Variants in SLC5A7 observed in about 807,000 individuals in gnomAD.
The protein encoded by SLC5A7 is high affinity choline transporter 1.
Under a neutral mutation model 55.4 loss-of-function variants are expected in SLC5A7, and 19 were observed. That is an observed-to-expected ratio of 0.34 (90% CI 0.24 to 0.50). The LOEUF is 0.50. SLC5A7 is among the 20% of genes least tolerant of loss of function. The pLI, the probability that SLC5A7 is intolerant of heterozygous loss-of-function variation, is 0.98. For missense variants in SLC5A7, 506 were observed against 705.3 expected (o/e 0.72, Z 3.20); for synonymous variants, 265 against 263.7 (o/e 1.00, Z -0.05).
At chr2:107,996,580 A>G (rs989270303) in intron 4 of SLC5A7, among the ~76,000 whole-genome samples, 1 of 152,314 alleles carries the variant, frequency 6.6e-6, no homozygotes, top group African/African-American at 2.4e-5. Context: ...CATTACATGT[A>G]TGCATTTAAT....
At chr2:107,987,129 C>T (rs181781867) in intron 1 of SLC5A7, among the ~76,000 whole-genome samples, 2,010 of 152,166 alleles carry the variant, frequency 0.013, 32 homozygotes, top group Non-Finnish European at 0.017. Context: ...GTCTCTTCAC[C>T]CACCTGCACG....
chr2:108,009,378 G>C (rs542344651), intron 8 of SLC5A7, among the ~76,000 whole-genome samples: 150 of 152,068 alleles, frequency 9.9e-4, no homozygotes, highest in Admixed American at 2.4e-3. Context: ...TGTGCAGAAC[G>C]TGCAGGTTTG....
chr2:108,004,225 A>G (rs1277015510), intron 6 of SLC5A7, among the ~76,000 whole-genome samples: 2 of 152,216 alleles, frequency 1.3e-5, no homozygotes, highest in African/African-American at 4.8e-5. Flanking sequence ...AGGGTGATGA[A>G]TATGTAATTT....
At chr2:108,010,119 T>C (rs1381716270) in intron 8 of SLC5A7, 113 bp from the exon 9 acceptor site, 2 of 1,321,534 alleles carry the variant, frequency 1.5e-6, no homozygotes, top group Non-Finnish European at 2.1e-6. Context: ...ATTGAGCCAT[T>C]TGAACCAGGA....
Position 108,013,964 on chromosome 2 carries a change from TAATA to T in SLC5A7, c.*3107_*3110del, listed in dbSNP as rs1252825451. The stretch of plus-strand genomic sequence containing the variant: ...GGCTATTCCTCTTTTTACTTGGAAA[TAATA>T]AATTAACATTATATTTTAAACATAA... On this transcript the variant is annotated 3_prime_UTR_variant, in exon 9 of 9. Transcript: ENST00000264047. 6.6e-6 allele frequency: 1 copy of T among 152,148 alleles called. No individual in the cohort carries two copies. Among genetic ancestry groups the T allele is most frequent in the Non-Finnish European group, 1.5e-5 (1 of 68,010 alleles). The allele number at this position is 152,148 out of a possible 1,614,324, so 9.4% of individuals were successfully genotyped here.
chr2:108,008,425 T>G, intron 7 of SLC5A7, 40 bp from the exon 8 acceptor site: 1 of 1,542,388 alleles, frequency 6.5e-7, no homozygotes, highest in African/African-American at 1.4e-5. Context: ...GAACATTTGG[T>G]TCCTTGGTGG....
chr2:108,008,332 T>A (rs1417603823), intron 7 of SLC5A7, 133 bp from the exon 8 acceptor site: 23 of 654,644 alleles, frequency 3.5e-5, no homozygotes, highest in Non-Finnish European at 5.5e-5. Context: ...GACCAGCACA[T>A]GGACTTCACA....
intron 5 of SLC5A7, 76 bp from the exon 6 acceptor site, chr2:108,001,821 T>G: frequency 1.3e-6 from 2 of 1,508,558 alleles, no homozygotes; most frequent in Non-Finnish European, 1.8e-6. Context: ...GTGCAGTGTG[T>G]GAGGTGTACA....
At chr2:108,010,096 G>T in intron 8 of SLC5A7, 136 bp from the exon 9 acceptor site, 1 of 1,097,796 alleles carries the variant, frequency 9.1e-7, no homozygotes, top group Non-Finnish European at 1.3e-6. Context: ...GCTGTAGTTG[G>T]TTTTTCCCAT....
intron 7 of SLC5A7, 65 bp from the exon 8 acceptor site, chr2:108,008,400 C>A: frequency 7.7e-7 from 1 of 1,293,602 alleles, no homozygotes; most frequent in South Asian, 1.3e-5. Context: ...AATAGGATGA[C>A]CCCAGATGGA....
intron 4 of SLC5A7, 137 bp from the exon 5 acceptor site, chr2:107,997,695 ATTAACT>A (rs1427325785): frequency 2.7e-6 from 2 of 730,796 alleles, no homozygotes; most frequent in Non-Finnish European, 4.1e-6. Flanking sequence ...CAATATAAAA[ATTAACT>A]TTAGGTGTTT....
chr2:108,008,382 A>T (rs1199944853), intron 7 of SLC5A7, 83 bp from the exon 8 acceptor site: 7 of 1,021,678 alleles, frequency 6.9e-6, no homozygotes, highest in Non-Finnish European at 1.0e-5. Context: ...TTTCAAAACA[A>T]CCTAGTAAAT....
rs1678320739 is a variant in SLC5A7 at position 108,011,351 on chromosome 2, T to A, written c.*490T>A. 1 of 152,464 alleles carries A rather than the reference T, an allele frequency of 6.6e-6. No individual in the cohort carries two copies. The highest frequency in any genetic ancestry group is 1.5e-5 in the Non-Finnish European group (1 of 68,220). The allele number at this position is 152,464 out of a possible 1,614,324, so 9.4% of individuals were successfully genotyped here. A position where few individuals can be genotyped will look rare whatever the true frequency, so the allele number is the denominator to read the frequency against. On this transcript the variant is annotated 3_prime_UTR_variant, in exon 9 of 9. Coordinates refer to ENST00000264047, the MANE Select transcript of SLC5A7 (RefSeq NM_021815.5). ...AGCTGATTTTTCTTAGTGTGATGAT[T>A]AACCCCTTCTTTCATGTTCTGAGCT...
rs990752991 is a variant in SLC5A7 at position 108,012,711 on chromosome 2, A to G, written c.*1850A>G. Reference sequence around the variant, plus strand: ...TTTCTCAGAATCTATTCAGTACCCTATGGAGTACATGGAAGAAGTATATTT... The same window carrying G: ...TTTCTCAGAATCTATTCAGTACCCTGTGGAGTACATGGAAGAAGTATATTT... On this transcript the variant is annotated 3_prime_UTR_variant, in exon 9 of 9. Transcript: ENST00000264047. 8 of 152,098 alleles carry G rather than the reference A, an allele frequency of 5.3e-5. No individual in the cohort carries two copies. Among genetic ancestry groups the G allele is most frequent in the African/African-American group, 1.7e-4 (7 of 41,406 alleles). 9.4% of individuals were successfully genotyped at this position (152,098 alleles called of 1,614,324 possible). A position where few individuals can be genotyped will look rare whatever the true frequency, so the allele number is the denominator to read the frequency against.
intron 4 of SLC5A7, among the ~76,000 whole-genome samples, chr2:107,994,534 T>C (rs554074292): frequency 1.4e-4 from 22 of 151,868 alleles, no homozygotes; most frequent in African/African-American, 4.3e-4. Context: ...TACAGTGAGC[T>C]GAGATCACGC....
At chr2:107,997,744 A>G (rs1258558257) in intron 4 of SLC5A7, 94 bp from the exon 5 acceptor site, 12 of 1,262,292 alleles carry the variant, frequency 9.5e-6, no homozygotes, top group Non-Finnish European at 1.1e-5. Flanking sequence ...CAGAGAGAAA[A>G]ATGTTGTTTA....
chr2:108,000,892 G>A (rs115740036), intron 5 of SLC5A7, among the ~76,000 whole-genome samples: 1,568 of 150,600 alleles, frequency 0.01, 7 homozygotes, highest in Non-Finnish European at 0.015. Context: ...ACAGTGCTCG[G>A]CACCATTTAT....
At chr2:107,988,444 G>T in intron 2 of SLC5A7, 111 bp downstream of exon 2, 1 of 831,204 alleles carries the variant, frequency 1.2e-6, no homozygotes, top group Non-Finnish European at 1.8e-6. Context: ...GTCCTTTGGG[G>T]ATTCTTTATG....
At position 108,004,741 on chromosome 2, in the gene SLC5A7, C is replaced by T. The variant is rs575701838; in HGVS notation, c.742-1308C>T. Reference sequence around the variant, plus strand: ...ACTGCCTGGTCGCTGTCATTATTTTCTTTTTTCCTATTAGTTTCTCTCTCA... The same window carrying T: ...ACTGCCTGGTCGCTGTCATTATTTTTTTTTTTCCTATTAGTTTCTCTCTCA... On this transcript the variant is annotated intron_variant, in intron 6 of 8. Transcript: ENST00000264047. Among the ~76,000 whole-genome samples the T allele has an allele frequency of 2.4e-4, 37 of 152,206 alleles. No individual in the cohort carries two copies. The South Asian group carries it at 7.3e-3, about 30-fold the overall frequency.
Sources: allele counts gnomAD v4.1 joint callset (sites outside exome capture counted in the v4.1 genomes callset), GRCh38; gene constraint gnomAD v4.1.1; transcripts MANE v1.5; gene names NCBI Gene and HGNC (gene_info 2026-07-23, HGNC 2026-07-21).